Variants in FAP observed in about 807,000 individuals in gnomAD.
The protein encoded by FAP is fibroblast activation protein alpha.
In FAP, 110 loss-of-function variants were observed where a neutral mutation model predicts 126.5. That is an observed-to-expected ratio of 0.87 (90% CI 0.74 to 1.02). The LOEUF (loss-of-function observed/expected upper bound fraction) is 1.02. Among genes scored for constraint, FAP ranks in the 50% least tolerant of loss-of-function variants. The pLI is 0.00. For missense variants in FAP, 919 were observed against 909.2 expected (o/e 1.01, Z -0.14); for synonymous variants, 334 against 297.3 (o/e 1.12, Z -1.27).
At position 162,224,490 on chromosome 2, in the gene FAP, T is replaced by C. The variant is rs1209463964; in HGVS notation, c.336A>G (p.Val112=). Residue 112 remains valine, a synonymous_variant, in exon 5 of 26, where the codon GTA becomes GTG. Transcript: ENST00000188790. The part of the protein sequence containing the change: ...NYGLSPDRQF[V]YLESDYSKLW... ...CCTTTGAATAATCACTTTCTAGATA[T>C]ACAAATTGCCGATCAGGTGATAAGC... is the stretch of plus-strand genomic sequence containing the variant. The C allele has an allele frequency of 1.3e-6, 2 of 1,596,790 alleles. No individual in the cohort carries two copies. Among genetic ancestry groups the C allele is most frequent in the Admixed American group, 1.8e-5 (1 of 55,688 alleles).
In FAP at chr2:162,203,169, T is replaced by C. The variant is rs780312227; in HGVS notation, c.1048-24A>G. ...AACTGAAAAAAATTAGCAGAGGTTATGTTCAAAAGACAAACCAAACTAAAA... is the reference window on the plus strand; with the variant it reads ...AACTGAAAAAAATTAGCAGAGGTTACGTTCAAAAGACAAACCAAACTAAAA... On this transcript the variant is annotated intron_variant, in intron 12 of 25. Transcript: ENST00000188790. The C allele has an allele frequency of 2.1e-5, 32 of 1,510,936 alleles. No individual in the cohort carries two copies. The Admixed American group carries it at 4.1e-4, about 19-fold the overall frequency. 93.6% of individuals were successfully genotyped at this position (1,510,936 alleles called of 1,614,324 possible). A position where few individuals can be genotyped will look rare whatever the true frequency, so the allele number is the denominator to read the frequency against.
intron 10 of FAP, among the ~76,000 whole-genome samples, chr2:162,214,530 G>T (rs1216522533): frequency 1.3e-5 from 2 of 151,480 alleles, no homozygotes. Flanking sequence ...TGTGACTGTG[G>T]TCAGGTATTG....
At chr2:162,211,046 T>G (rs563555415) in intron 11 of FAP, among the ~76,000 whole-genome samples, 2 of 152,210 alleles carry the variant, frequency 1.3e-5, no homozygotes, top group Non-Finnish European at 2.9e-5. Flanking sequence ...GCAGGAAATG[T>G]ATTTCCCAGC....
intron 11 of FAP, among the ~76,000 whole-genome samples, chr2:162,210,414 C>A (rs1398166147): frequency 6.6e-6 from 1 of 152,142 alleles, no homozygotes; most frequent in African/African-American, 2.4e-5. Flanking sequence ...TGTAATTGAT[C>A]ATTTACTGAA....
At chr2:162,209,859 A>C (rs2106260193) in intron 12 of FAP, 93 bp downstream of exon 12, 1 of 1,055,126 alleles carries the variant, frequency 9.5e-7, no homozygotes, top group South Asian at 1.3e-5. Flanking sequence ...GAAAATAAGT[A>C]GTGCCAGTTT....
intron 15 of FAP, 27 bp downstream of exon 15, chr2:162,200,539 A>G: frequency 7.6e-7 from 1 of 1,312,000 alleles, no homozygotes; most frequent in Non-Finnish European, 1.1e-6. Flanking sequence ...ACACATAGAA[A>G]TACCAGAATG....
chr2:162,239,109 T>C (rs1428912791), intron 2 of FAP, among the ~76,000 whole-genome samples: 2 of 152,220 alleles, frequency 1.3e-5, no homozygotes, highest in African/African-American at 4.8e-5. Flanking sequence ...GTCAGTTTCC[T>C]TTTGGTTTCC....
chr2:162,222,782 T>G (rs574403732), intron 6 of FAP, among the ~76,000 whole-genome samples: 7 of 152,292 alleles, frequency 4.6e-5, no homozygotes, highest in Non-Finnish European at 7.4e-5. Flanking sequence ...TCCTCATTAT[T>G]ATTTGGCCTA....
At chr2:162,174,054 T>C (rs894614224) in intron 22 of FAP, among the ~76,000 whole-genome samples, 12 of 152,138 alleles carry the variant, frequency 7.9e-5, no homozygotes, top group African/African-American at 2.9e-4. Context: ...ATTCTTAATA[T>C]TTTTCACTTC....
chr2:162,193,368 C>A (rs1325610974), intron 17 of FAP, among the ~76,000 whole-genome samples: 1 of 152,018 alleles, frequency 6.6e-6, no homozygotes, highest in East Asian at 1.9e-4. Flanking sequence ...TCTGTTGGTA[C>A]TTATTTAATT....
At chr2:162,222,016 C>T (rs1689425445) in intron 6 of FAP, among the ~76,000 whole-genome samples, 1 of 151,360 alleles carries the variant, frequency 6.6e-6, no homozygotes, top group African/African-American at 2.4e-5. Flanking sequence ...AAGAAACAAA[C>T]AAAACCAGTG....
intron 2 of FAP, among the ~76,000 whole-genome samples, chr2:162,242,347 C>G (rs944087594): frequency 6.6e-6 from 1 of 152,122 alleles, no homozygotes; most frequent in Non-Finnish European, 1.5e-5. Flanking sequence ...TATGACTGAT[C>G]AAAATGCTTG....
intron 18 of FAP, 23 bp downstream of exon 18, chr2:162,189,633 G>C: frequency 7.7e-7 from 1 of 1,306,586 alleles, no homozygotes; most frequent in Middle Eastern, 1.9e-4. Flanking sequence ...ATCTATAAAT[G>C]AGAAGTTTTT....
chr2:162,216,278 G>T (rs1047854205), intron 9 of FAP, among the ~76,000 whole-genome samples: 2 of 152,126 alleles, frequency 1.3e-5, no homozygotes, highest in African/African-American at 4.8e-5. Context: ...ATATGAAAAT[G>T]CAGTTCTGTG....
intron 11 of FAP, among the ~76,000 whole-genome samples, chr2:162,213,607 C>T (rs1689049311): frequency 6.6e-6 from 1 of 151,584 alleles, no homozygotes; most frequent in Non-Finnish European, 1.5e-5. Flanking sequence ...CATTATTTTG[C>T]TTTTTATTGG....
At chr2:162,188,995 C>T (rs1181520252) in intron 19 of FAP, 108 bp downstream of exon 19, 1 of 565,778 alleles carries the variant, frequency 1.8e-6, no homozygotes, top group Non-Finnish European at 3.1e-6. Flanking sequence ...AAAACAGCAT[C>T]AATAGGCACT....
chr2:162,183,638 T>C (rs1687767840), intron 20 of FAP, 170 bp from the exon 21 acceptor site: 4 of 568,672 alleles, frequency 7.0e-6, no homozygotes, highest in Non-Finnish European at 1.3e-5. Flanking sequence ...TATTATCATG[T>C]TTTCTGCAAA....
chr2:162,225,138 G>A (rs908216819), intron 4 of FAP, among the ~76,000 whole-genome samples: 1 of 152,076 alleles, frequency 6.6e-6, no homozygotes, highest in African/African-American at 2.4e-5. Context: ...AAATACCGAG[G>A]CATAGTAAGA....
chr2:162,198,836 G>A lies in FAP; in HGVS notation c.1323C>T (p.Cys441=), dbSNP rs2106241540. 2 of 1,613,524 alleles carry A rather than the reference G, an allele frequency of 1.2e-6. No individual in the cohort carries two copies. Among genetic ancestry groups the A allele is most frequent in the Non-Finnish European group, 1.7e-6 (2 of 1,179,528 alleles). ...SYPPSKKCVT[C]HLRKERCQYY... is the part of the protein sequence containing the mutation. Reference sequence around the variant, plus strand: ...ATTGGCACCTTTCTTTCCTTAGATGGCAAGTAACACACTTCTTGCTTGGAG... The same window carrying A: ...ATTGGCACCTTTCTTTCCTTAGATGACAAGTAACACACTTCTTGCTTGGAG... Residue 441 remains cysteine (C), a synonymous_variant, in exon 16 of 26, where the codon TGC becomes TGT. Coordinates refer to ENST00000188790, the MANE Select transcript of FAP (RefSeq NM_004460.5).
Sources: gnomAD v4.1 joint callset for allele counts (sites outside exome capture counted in the v4.1 genomes callset) on GRCh38, gnomAD v4.1.1 for gene constraint, MANE v1.5 for transcripts, NCBI Gene and HGNC (gene_info 2026-07-23, HGNC 2026-07-21) for gene names.